Variants in SOX6 observed in about 807,000 individuals in gnomAD.
The protein encoded by SOX6 is transcription factor SOX-6.
In SOX6, 11 loss-of-function variants were observed where a neutral mutation model predicts 97.8. That is an observed-to-expected ratio of 0.11 (90% CI 0.07 to 0.19). The LOEUF (loss-of-function observed/expected upper bound fraction) is 0.19, where lower values mean the gene tolerates loss of function less well. Among genes scored for constraint, SOX6 ranks in the 10% least tolerant of loss-of-function variants. The pLI is 1.00. For missense variants in SOX6, 810 were observed against 1,039.5 expected, an observed-to-expected ratio of 0.78 and a Z score of 3.04; for synonymous variants, 360 against 371.4, an observed-to-expected ratio of 0.97 and a Z score of 0.35.
chr11:16,453,302 G>T (rs1033444457), intron 1 of SOX6, among the ~76,000 whole-genome samples: 13 of 152,024 alleles, frequency 8.6e-5, no homozygotes, highest in Admixed American at 8.5e-4. Context: ...GGCTATATAT[G>T]TTATTATGTG....
chr11:16,239,918 C>A (rs796831458), intron 3 of SOX6, among the ~76,000 whole-genome samples: 15 of 152,142 alleles, frequency 9.9e-5, no homozygotes, highest in African/African-American at 3.6e-4. Flanking sequence ...TTATGCCTAG[C>A]AATGAAAAAG....
chr11:16,624,908 T>C lies in SOX6; in HGVS notation n.430-12648A>G, dbSNP rs1590017519. On this transcript the variant is annotated intron_variant and non_coding_transcript_variant, in intron 3 of 5. Coordinates refer to the SOX6 transcript ENST00000524520. ...ACTTTTTCATATATTTATTAACTATTTGTGTATAATACTTTTTGAGATGCC... is the reference window on the plus strand; with the variant it reads ...ACTTTTTCATATATTTATTAACTATCTGTGTATAATACTTTTTGAGATGCC... 2.6e-5 allele frequency among the ~76,000 whole-genome samples: 4 copies of C among 152,218 alleles called. No homozygotes were observed. The South Asian group carries it at 6.2e-4, about 24-fold the overall frequency.
intron 3 of SOX6, among the ~76,000 whole-genome samples, chr11:16,622,455 G>GT (rs5789959): frequency 0.31 from 47,172 of 151,920 alleles, 8,748 homozygotes; most frequent in Non-Finnish European, 0.42. Flanking sequence ...AGAGTCCACT[G>GT]TATCATTTTT....
intron 15 of SOX6, among the ~76,000 whole-genome samples, chr11:15,980,405 G>A (rs1296874116): frequency 1.3e-5 from 2 of 151,984 alleles, no homozygotes; most frequent in Non-Finnish European, 2.9e-5. Flanking sequence ...CCCCTTCTAT[G>A]TTGCAACTAA....
intron 2 of SOX6, among the ~76,000 whole-genome samples, chr11:16,726,360 T>C (rs1367112753): frequency 6.6e-6 from 1 of 152,210 alleles, no homozygotes. Flanking sequence ...GAGGTTGCAG[T>C]GAGCTGAGAT....
intron 3 of SOX6, among the ~76,000 whole-genome samples, chr11:16,659,427 T>A (rs1847749107): frequency 6.6e-6 from 1 of 152,208 alleles, no homozygotes; most frequent in African/African-American, 2.4e-5. Flanking sequence ...AACACCATAC[T>A]GTATTGGTTA....
chr11:16,665,275 G>GT (rs1449777814), intron 3 of SOX6, among the ~76,000 whole-genome samples: 2 of 152,070 alleles, frequency 1.3e-5, no homozygotes, highest in African/African-American at 4.8e-5. Flanking sequence ...TTCTTCAGTG[G>GT]TATTTCTGGA....
In SOX6 at chr11:16,176,216, A is replaced by C. The variant is rs1851182499; in HGVS notation, c.777+7670T>G. Among the ~76,000 whole-genome samples, 5 of 151,876 alleles carry C rather than the reference A, an allele frequency of 3.3e-5. No individual in the cohort carries two copies. The South Asian group carries it at 1.0e-3, about 31-fold the overall frequency. On this transcript the variant is annotated intron_variant, in intron 6 of 15. Coordinates refer to ENST00000683767, the MANE Select transcript of SOX6 (RefSeq NM_001367873.1). ...ACCCTGTATAGAGCAGTATTTTTCCATTCTGATTACCCACTAGAATCATCT... is the reference window on the plus strand; with the variant it reads ...ACCCTGTATAGAGCAGTATTTTTCCCTTCTGATTACCCACTAGAATCATCT...
At chr11:16,207,617 C>T (rs1421665416) in intron 4 of SOX6, among the ~76,000 whole-genome samples, 2 of 147,616 alleles carry the variant, frequency 1.4e-5, no homozygotes, top group African/African-American at 5.0e-5. Flanking sequence ...AAGTAAAGAA[C>T]AAATTCATTT....
intron 1 of SOX6, among the ~76,000 whole-genome samples, chr11:16,471,167 A>T (rs989540281): frequency 1.3e-5 from 2 of 151,970 alleles, no homozygotes; most frequent in Admixed American, 6.6e-5. Context: ...TTCATTAGAG[A>T]TAAGAAAAAA....
At chr11:16,483,551 A>T (rs187118037) in intron 4 of SOX6, among the ~76,000 whole-genome samples, 8 of 152,290 alleles carry the variant, frequency 5.3e-5, no homozygotes, top group Admixed American at 4.6e-4. Flanking sequence ...AAACTGGAAG[A>T]GACCTCTATT....
chr11:16,247,718 G>A (rs1199286747), intron 3 of SOX6, among the ~76,000 whole-genome samples: 1 of 152,114 alleles, frequency 6.6e-6, no homozygotes, highest in Non-Finnish European at 1.5e-5. Flanking sequence ...GACACATGGG[G>A]ACTATAAGAA....
chr11:16,214,857 C>A (rs1016890981), intron 4 of SOX6, among the ~76,000 whole-genome samples: 11 of 150,538 alleles, frequency 7.3e-5, no homozygotes, highest in African/African-American at 2.4e-4. Flanking sequence ...TCAAGCAATT[C>A]TCCTGCCTCA....
chr11:16,294,800 T>C (rs1030739723), intron 3 of SOX6, among the ~76,000 whole-genome samples: 1 of 152,122 alleles, frequency 6.6e-6, no homozygotes, highest in Non-Finnish European at 1.5e-5. Context: ...CTGAATTGTT[T>C]AAGGGGATTT....
At chr11:16,669,043 C>T (rs747431456) in intron 3 of SOX6, among the ~76,000 whole-genome samples, 1 of 152,016 alleles carries the variant, frequency 6.6e-6, no homozygotes, top group African/African-American at 2.4e-5. Context: ...GCAAATGGAC[C>T]AAATAGATAT....
At chr11:16,325,444 C>A (rs533222972) in intron 2 of SOX6, among the ~76,000 whole-genome samples, 1 of 152,100 alleles carries the variant, frequency 6.6e-6, no homozygotes, top group African/African-American at 2.4e-5. Flanking sequence ...TTTTCTAATT[C>A]ATCTTCCATA....
At chr11:16,355,057 A>G (rs1590152701) in intron 1 of SOX6, among the ~76,000 whole-genome samples, 1 of 152,160 alleles carries the variant, frequency 6.6e-6, no homozygotes, top group East Asian at 1.9e-4. Flanking sequence ...GATTTGCTAG[A>G]CTAACTGTTT....
At chr11:16,502,464 A>T (rs1289043634) in intron 4 of SOX6, among the ~76,000 whole-genome samples, 1 of 26,756 alleles carries the variant, frequency 3.7e-5, no homozygotes, top group Non-Finnish European at 7.6e-5. Flanking sequence ...GTATAATAAT[A>T]AAAAAAATCC....
At chr11:16,013,059 C>T (rs1283703240) in intron 13 of SOX6, among the ~76,000 whole-genome samples, 1 of 151,814 alleles carries the variant, frequency 6.6e-6, no homozygotes, top group Non-Finnish European at 1.5e-5. Flanking sequence ...TTTAACTTAC[C>T]AAGCACATGA....
Sources: allele counts gnomAD v4.1 joint callset (sites outside exome capture counted in the v4.1 genomes callset), GRCh38; gene constraint gnomAD v4.1.1; transcripts MANE v1.5; gene names NCBI Gene and HGNC (gene_info 2026-07-23, HGNC 2026-07-21).